Variants in CTSZ observed in about 807,000 individuals in gnomAD.
The protein encoded by CTSZ is carboxypeptidase LB.
A neutral mutation model predicts 32.4 loss-of-function variants in CTSZ; 39 were observed. The observed-to-expected ratio is 1.20, with a 90% CI of 0.93 to 1.57. The LOEUF (loss-of-function observed/expected upper bound fraction) is 1.57, where lower values mean the gene tolerates loss of function less well. Ranked by LOEUF, CTSZ falls within the 40% of genes most tolerant of loss-of-function variation. The pLI is 0.00. For missense variants in CTSZ, 397 were observed against 419.6 expected, an observed-to-expected ratio of 0.95 and a Z score of 0.47; for synonymous variants, 168 against 170.1, an observed-to-expected ratio of 0.99 and a Z score of 0.10.
At chr20:59,003,642 G>A (rs550522749) in intron 2 of CTSZ, among the ~76,000 whole-genome samples, 1 of 152,306 alleles carries the variant, frequency 6.6e-6, no homozygotes, top group African/African-American at 2.4e-5. Context: ...TCAGGAAGTG[G>A]GGTGTCATAT....
At chr20:58,998,027 A>C (rs913160242) in intron 3 of CTSZ, among the ~76,000 whole-genome samples, 4 of 152,142 alleles carry the variant, frequency 2.6e-5, no homozygotes, top group African/African-American at 9.7e-5. Flanking sequence ...TTTTTCCTCT[A>C]ATGGCTGGAG....
At chr20:58,995,900 C>T (rs2091857196) in intron 5 of CTSZ, 141 bp from the exon 6 acceptor site, 1 of 652,040 alleles carries the variant, frequency 1.5e-6, no homozygotes, top group Non-Finnish European at 2.7e-6. Context: ...TCAGCTGCCC[C>T]TCAGCTTTCC....
chr20:59,001,516 G>A lies in CTSZ; in HGVS notation c.436C>T (p.Gln146Ter), dbSNP rs1324733406. Residue 146 changes from glutamine (Q) to a stop codon, truncating the protein, a stop_gained, in exon 3 of 6, where the codon CAG becomes TAG. Coordinates refer to ENST00000217131, the MANE Select transcript of CTSZ (RefSeq NM_001336.4). LOFTEE classifies it high-confidence loss of function. ...NDLSVWDYAH[Q>*]HGIPDETCNN... Reference sequence around the variant, plus strand: ...CAGGTCTCGTCAGGGATGCCGTGCTGGTGGGCGTAGTCCCACACGGACAGG... The same window carrying A: ...CAGGTCTCGTCAGGGATGCCGTGCTAGTGGGCGTAGTCCCACACGGACAGG... 3.7e-6 allele frequency: 6 copies of A among 1,614,124 alleles called. No individual in the cohort carries two copies. Among genetic ancestry groups the A allele is most frequent in the Non-Finnish European group, 5.1e-6 (6 of 1,179,946 alleles).
At position 59,007,099 on chromosome 20, in the gene CTSZ, C is replaced by T. The variant is rs969664613; in HGVS notation, c.30G>A (p.Pro10=). The change falls in exon 1 of 6, where the codon CCG becomes CCA. Residue 10 remains proline (P), a synonymous_variant. Transcript: ENST00000217131. The stretch of plus-strand genomic sequence containing the variant: ...CCGCCAGCAGCACGAGCAGCAGAAG[C>T]GGCCGCCACCCTGGCCCGCGCCTCG... The part of the protein sequence containing the change: MARRGPGWR[P]LLLLVLLAGA... 35 of 1,438,880 alleles carry T rather than the reference C, an allele frequency of 2.4e-5. No homozygotes were observed. The highest frequency in any genetic ancestry group is 4.9e-4 in the Middle Eastern group (2 of 4,060). The allele number at this position is 1,438,880 out of a possible 1,614,324, so 89.1% of individuals were successfully genotyped here. A position where few individuals can be genotyped will look rare whatever the true frequency, so the allele number is the denominator to read the frequency against.
At chr20:59,006,804 C>T (rs2091910311) in intron 1 of CTSZ, among the ~76,000 whole-genome samples, 182 bp downstream of exon 1, 1 of 152,208 alleles carries the variant, frequency 6.6e-6, no homozygotes, top group South Asian at 2.1e-4. Context: ...GCTTGTCCAA[C>T]CCCACAAACA....
intron 2 of CTSZ, among the ~76,000 whole-genome samples, chr20:59,003,909 G>A (rs1262350099): frequency 4.6e-5 from 7 of 152,214 alleles, no homozygotes; most frequent in African/African-American, 1.7e-4. Context: ...CTGATGGGTT[G>A]TCACAGGCTC....
chr20:59,001,806 G>A (rs1248309946), intron 2 of CTSZ, among the ~76,000 whole-genome samples, 162 bp from the exon 3 acceptor site: 1 of 152,242 alleles, frequency 6.6e-6, no homozygotes, highest in Non-Finnish European at 1.5e-5. Flanking sequence ...CCTCTTCATG[G>A]AGGTCTCCGC....
At position 59,004,920 on chromosome 20, in the gene CTSZ, T is replaced by C. The variant is rs236729; in HGVS notation, c.307+1402A>G. On this transcript the variant is annotated intron_variant, in intron 2 of 5. Coordinates refer to ENST00000217131, the MANE Select transcript of CTSZ (RefSeq NM_001336.4). The surrounding 1 kb of genome is among the most constrained non-coding windows in gnomAD (Gnocchi z 5.6). ...ACATCCATCTGAAAGCCATCTCCTTTCTACCCGCAGTCCTTCACAGACGCA... is the reference window on the plus strand; with the variant it reads ...ACATCCATCTGAAAGCCATCTCCTTCCTACCCGCAGTCCTTCACAGACGCA... 0.19 allele frequency among the ~76,000 whole-genome samples: 28,425 copies of C among 151,998 alleles called. 2,773 individuals carry two copies. The highest frequency in any genetic ancestry group is 0.21 in the African/African-American group (8,569 of 41,448).
intron 2 of CTSZ, 24 bp downstream of exon 2, chr20:59,006,298 C>T (rs916307553): frequency 3.2e-6 from 5 of 1,577,136 alleles, no homozygotes; most frequent in Non-Finnish European, 4.3e-6. Context: ...TTTCCTGGCC[C>T]ACAGTCAAAG....
Position 59,002,203 on chromosome 20 carries a change from C to T in CTSZ, c.308-559G>A, listed in dbSNP as rs2021793. On this transcript the variant is annotated intron_variant, in intron 2 of 5. Coordinates refer to ENST00000217131, the MANE Select transcript of CTSZ (RefSeq NM_001336.4). This position sits in a 1 kb window ranked among gnomAD's most constrained non-coding sequence, Gnocchi z 4.1. ...AGGCACTGGGGGATGCAGAGGGCTC[C>T]CAGCGGCTGGCTGACCATGCCCTCA... 0.47 allele frequency among the ~76,000 whole-genome samples: 70,817 copies of T among 152,150 alleles called. 16,948 individuals carry two copies. Among genetic ancestry groups the T allele is most frequent in the East Asian group, 0.59 (3,055 of 5,180 alleles).
rs765372537 is a variant in CTSZ at position 58,995,239 on chromosome 20, C to G, written c.*410G>C. 1 of 164,086 alleles carries G rather than the reference C, an allele frequency of 6.1e-6. No homozygotes were observed. Among genetic ancestry groups the G allele is most frequent in the Non-Finnish European group, 1.3e-5 (1 of 75,684 alleles). The allele number at this position is 164,086 out of a possible 1,614,324, so 10.2% of individuals were successfully genotyped here. ...CACTTGGGCGATTTGAAACTGCCAA[C>G]TCCCTCCCTCCCTCCCCCACCCTTG... On this transcript the variant is annotated 3_prime_UTR_variant, in exon 6 of 6. Coordinates refer to ENST00000217131, the MANE Select transcript of CTSZ (RefSeq NM_001336.4).
chr20:58,997,443 G>C (rs1156908601), intron 4 of CTSZ, 160 bp downstream of exon 4: 4 of 596,172 alleles, frequency 6.7e-6, no homozygotes, highest in Non-Finnish European at 1.1e-5. Context: ...CAACCGGCCA[G>C]AAGGAAAGTG....
chr20:59,004,184 G>A lies in CTSZ; in HGVS notation c.307+2138C>T, dbSNP rs2091900405. On this transcript the variant is annotated intron_variant, in intron 2 of 5. Transcript: ENST00000217131. This position sits in a 1 kb window ranked among gnomAD's most constrained non-coding sequence, Gnocchi z 5.6. ...GGCTGTCAGGTGACAGTAGTGGAAG[G>A]AGCCATCCAGACCTGAAGGTCTGAG... is the stretch of plus-strand genomic sequence containing the variant. Among the ~76,000 whole-genome samples the A allele has an allele frequency of 6.6e-6, 1 of 152,196 alleles. No individual in the cohort carries two copies.
intron 3 of CTSZ, among the ~76,000 whole-genome samples, chr20:59,000,016 C>T (rs1193173966): frequency 6.7e-6 from 1 of 150,238 alleles, no homozygotes; most frequent in Non-Finnish European, 1.5e-5. Flanking sequence ...TTGCAGTGAG[C>T]CGAGATCGCG....
At chr20:59,005,351 A>G (rs2146366389) in intron 2 of CTSZ, among the ~76,000 whole-genome samples, 1 of 152,292 alleles carries the variant, frequency 6.6e-6, no homozygotes, top group African/African-American at 2.4e-5. Flanking sequence ...TCCGGGCTCA[A>G]ATCTCAGCTG....
intron 3 of CTSZ, among the ~76,000 whole-genome samples, chr20:58,999,128 T>C (rs2091876141): frequency 6.6e-6 from 1 of 152,264 alleles, no homozygotes; most frequent in South Asian, 2.1e-4. Context: ...TTCTGCCTCC[T>C]GGGTTCAAGT....
rs1158683119 is a variant in CTSZ at position 59,006,999 on chromosome 20, G to A, written c.130C>T (p.Pro44Ser). Reference protein sequence around the residue: ...YRPLRGDGLAPLGRSTYPRPH... With the variant: ...YRPLRGDGLASLGRSTYPRPH... ...GCCGGTGCCCACCTGCGCCCCAGCG[G>A]AGCCAGCCCGTCCCCCCGCAGAGGC... is the stretch of plus-strand genomic sequence containing the variant. The change falls in exon 1 of 6, where the codon CCG (proline) becomes TCG (serine). Residue 44 changes from proline (P) to serine (S), a missense_variant. Pro to Ser is a moderately conservative substitution (Grantham distance 74). Coordinates refer to ENST00000217131, the MANE Select transcript of CTSZ (RefSeq NM_001336.4). The A allele has an allele frequency of 6.8e-7, 1 of 1,467,760 alleles. No homozygotes were observed. The highest frequency in any genetic ancestry group is 9.0e-7 in the Non-Finnish European group (1 of 1,116,940). The allele number at this position is 1,467,760 out of a possible 1,614,324, so 90.9% of individuals were successfully genotyped here.
chr20:58,997,456 G>A (rs777601284), intron 4 of CTSZ, 147 bp downstream of exon 4: 131 of 672,156 alleles, frequency 1.9e-4, no homozygotes, highest in Middle Eastern at 1.3e-3. Context: ...GGAAAGTGGC[G>A]AAGGACGGAG....
chr20:59,005,473 G>A (rs146713971), intron 2 of CTSZ, among the ~76,000 whole-genome samples: 13 of 152,306 alleles, frequency 8.5e-5, no homozygotes, highest in East Asian at 3.9e-4. Flanking sequence ...TGGAGCACAC[G>A]CAAACGCATG....
Sources: allele counts gnomAD v4.1 joint callset (sites outside exome capture counted in the v4.1 genomes callset), GRCh38; gene constraint gnomAD v4.1.1; non-coding constraint Gnocchi (gnomAD v3.1); transcripts MANE v1.5; gene names NCBI Gene and HGNC (gene_info 2026-07-23, HGNC 2026-07-21).